MTAP: variants seen among roughly 807,000 people sequenced by gnomAD.
MTAP encodes the protein methylthioadenosine phosphorylase, also known as S-methyl-5'-thioadenosine phosphorylase.
In MTAP, 33 loss-of-function variants were observed where a neutral mutation model predicts 33.6. That is an observed-to-expected ratio of 0.98 (90% confidence interval 0.74 to 1.31). MTAP has a LOEUF of 1.31. Ranked by LOEUF, MTAP falls within the 40% of genes most tolerant of loss-of-function variation. The probability of loss-of-function intolerance (pLI) is 0.00; values close to 1 mark genes in which losing one functional copy is unlikely to be tolerated. For missense variants in MTAP, 367 were observed against 360.0 expected (o/e 1.02, Z -0.16); for synonymous variants, 148 against 125.7 (o/e 1.18, Z -1.19).
chr9:21,878,038 CATT>C (rs145510385), intron 1 of MTAP, among the ~76,000 whole-genome samples: 12,735 of 152,048 alleles, frequency 0.084, 673 homozygotes, highest in East Asian at 0.22. Context: ...TTTCAGAACT[CATT>C]ATTGTTCTGT....
chr9:21,932,393 C>A (rs1171247199), downstream of MTAP: 1 of 152,110 alleles, frequency 6.6e-6, no homozygotes. Context: ...TAGATATAAA[C>A]AGTTTCCAGC....
rs181585111 is a variant in MTAP at position 21,926,511 on chromosome 9, G to C, written c.148-4497G>C. On this transcript the variant is annotated intron_variant, in intron 1 of 1. Coordinates refer to the MTAP transcript ENST00000577563. ...TTAGAGCTCAAAGATGCTTTCTTTT[G>C]TGTCTCCCTAGACTCATCCTCCCAA... Among the ~76,000 whole-genome samples the C allele has an allele frequency of 3.2e-3, 491 of 152,252 alleles. 1 individual carries two copies. Among genetic ancestry groups the C allele is most frequent in the Non-Finnish European group, 5.6e-3 (379 of 68,010 alleles).
At chr9:21,931,379 G>T (rs1818955965), downstream of MTAP, 2 of 503,464 alleles carry the variant, frequency 4.0e-6, no homozygotes, top group Non-Finnish European at 7.0e-6. Flanking sequence ...CTCCAACTAG[G>T]AATGTCAGGT....
chr9:21,917,552 C>G (rs1037371777), intron 1 of MTAP, among the ~76,000 whole-genome samples: 1 of 152,204 alleles, frequency 6.6e-6, no homozygotes, highest in African/African-American at 2.4e-5. Context: ...TACCAGCTTA[C>G]TCCTGCAGGA....
chr9:21,844,508 G>A (rs1563843700), intron 5 of MTAP, among the ~76,000 whole-genome samples: 4 of 152,120 alleles, frequency 2.6e-5, no homozygotes, highest in Non-Finnish European at 5.9e-5. Context: ...AAATCCAACA[G>A]CATATGAAAA....
At chr9:21,871,902 A>G (rs1341689392), downstream of MTAP, among the ~76,000 whole-genome samples, 1 of 152,196 alleles carries the variant, frequency 6.6e-6, no homozygotes, top group African/African-American at 2.4e-5. Flanking sequence ...TTCAATAAAA[A>G]CTTGATGACT....
chr9:21,910,789 G>A (rs1818562593), intron 1 of MTAP, among the ~76,000 whole-genome samples: 1 of 152,060 alleles, frequency 6.6e-6, no homozygotes, highest in Non-Finnish European at 1.5e-5. Context: ...TCCAACTCCA[G>A]AGTATTTCCA....
downstream of MTAP, among the ~76,000 whole-genome samples, chr9:21,940,448 C>T (rs887646028): frequency 6.6e-6 from 1 of 152,116 alleles, no homozygotes; most frequent in African/African-American, 2.4e-5. Context: ...AACTATAGCA[C>T]ACCCATTGTT....
intron 1 of MTAP, chr9:21,929,693 C>T (rs184279276): frequency 3.7e-4 from 87 of 238,054 alleles, no homozygotes; most frequent in Non-Finnish European, 7.0e-4. Context: ...CAACAGGACC[C>T]TAATCTGAAA....
At chr9:21,823,980 A>G (rs1444078974) in intron 4 of MTAP, among the ~76,000 whole-genome samples, 2 of 152,174 alleles carry the variant, frequency 1.3e-5, no homozygotes, top group Non-Finnish European at 2.9e-5. Context: ...GGACTTCTCT[A>G]CACTGGTTAT....
At chr9:21,904,261 G>A (rs1435958003) in intron 1 of MTAP, among the ~76,000 whole-genome samples, 1 of 152,184 alleles carries the variant, frequency 6.6e-6, no homozygotes, top group African/African-American at 2.4e-5. Flanking sequence ...GTATCTGCCT[G>A]CGAGGGTGTC....
chr9:21,873,143 G>A (rs1267042954), intron 1 of MTAP, among the ~76,000 whole-genome samples: 1 of 152,082 alleles, frequency 6.6e-6, no homozygotes, highest in African/African-American at 2.4e-5. Context: ...GAAGGGATTT[G>A]GAATTCTGAA....
intron 1 of MTAP, among the ~76,000 whole-genome samples, chr9:21,806,189 A>C (rs758243641): frequency 1.3e-5 from 2 of 152,146 alleles, no homozygotes; most frequent in Non-Finnish European, 2.9e-5. Context: ...CTAAGAGATC[A>C]GGCCAGAAGT....
Position 21,836,281 on chromosome 9 carries a change from G to A in MTAP, c.348-1627G>A, listed in dbSNP as rs545640339. On this transcript the variant is annotated intron_variant, in intron 4 of 7. Coordinates refer to ENST00000644715, the MANE Select transcript of MTAP (RefSeq NM_002451.4). ...TTTGTTGAGAAAGAAAAATGCATGAGAGGAAATTAAGACTGTAGTTAATAA... is the reference window on the plus strand; with the variant it reads ...TTTGTTGAGAAAGAAAAATGCATGAAAGGAAATTAAGACTGTAGTTAATAA... Among the ~76,000 whole-genome samples, 3 of 152,324 alleles carry A rather than the reference G, an allele frequency of 2.0e-5. No homozygotes were observed. In the East Asian group the frequency reaches 5.8e-4, roughly 29 times the overall value.
intron 4 of MTAP, among the ~76,000 whole-genome samples, chr9:21,833,865 A>G (rs1010584634): frequency 3.9e-5 from 6 of 152,218 alleles, no homozygotes; most frequent in African/African-American, 1.2e-4. Context: ...GATTCAAGAA[A>G]CAACCTACCA....
At chr9:21,822,909 T>C (rs1563834416) in intron 4 of MTAP, among the ~76,000 whole-genome samples, 2 of 152,364 alleles carry the variant, frequency 1.3e-5, no homozygotes. Flanking sequence ...TTTTGATCTT[T>C]GTTGGTTTAA....
chr9:21,902,324 T>A (rs185044045), intron 1 of MTAP, among the ~76,000 whole-genome samples: 15 of 152,300 alleles, frequency 9.8e-5, no homozygotes, highest in Admixed American at 7.8e-4. Flanking sequence ...CTGGTAGCAT[T>A]TAGTTCAGAG....
chr9:21,818,107 G>C lies in MTAP; in HGVS notation c.252G>C (p.Glu84Asp). The change falls in exon 4 of 8, where the codon GAG becomes GAC. Residue 84 changes from glutamate (E) to aspartate (D), a missense_variant. By Grantham distance (45) the Glu-to-Asp change is conservative (BLOSUM62 2). Coordinates refer to ENST00000644715, the MANE Select transcript of MTAP (RefSeq NM_002451.4). ...YQANIWALKE[E>D]GCTHVIVTTA... ...CGAACATCTGGGCTTTGAAGGAAGA[G>C]GGCTGTACACATGTCATAGTGACCA... The C allele has an allele frequency of 6.2e-7, 1 of 1,613,966 alleles. No individual in the cohort carries two copies. The highest frequency in any genetic ancestry group is 1.1e-5 in the South Asian group (1 of 91,032).
chr9:21,830,159 G>A (rs1563837912), intron 4 of MTAP, among the ~76,000 whole-genome samples: 1 of 152,184 alleles, frequency 6.6e-6, no homozygotes, highest in Non-Finnish European at 1.5e-5. Context: ...AGCATCCATA[G>A]AAAGCAACAT....
Sources: gnomAD v4.1 joint callset for allele counts (sites outside exome capture counted in the v4.1 genomes callset) on GRCh38, gnomAD v4.1.1 for gene constraint, MANE v1.5 for transcripts, NCBI Gene and HGNC (gene_info 2026-07-23, HGNC 2026-07-21) for gene names.